Variants in RALGPS2 observed in about 807,000 individuals in gnomAD.
The protein encoded by RALGPS2 is Ral GEF with PH domain and SH3 binding motif 2.
RALGPS2 carries 43 observed loss-of-function variants against 86.8 expected under a neutral mutation model. The observed-to-expected ratio is 0.50, with a 90% CI of 0.39 to 0.64. The LOEUF (loss-of-function observed/expected upper bound fraction) is 0.64, where lower values mean the gene tolerates loss of function less well. RALGPS2 is among the 30% of genes least tolerant of loss of function. RALGPS2 has a pLI of 0.00. For missense variants in RALGPS2, 536 were observed against 694.6 expected, an observed-to-expected ratio of 0.77 and a Z score of 2.57; for synonymous variants, 243 against 231.3, an observed-to-expected ratio of 1.05 and a Z score of -0.46.
chr1:178,917,719 A>T lies in RALGPS2; in HGVS notation c.*1360A>T, dbSNP rs936732616. On this transcript the variant is annotated 3_prime_UTR_variant, in exon 20 of 20. Transcript: ENST00000367635. ...TTTCTAAAGTAAATGTTGAATTATTAAAAAAAAAGTTTGAAGGTAAGATGC... is the reference window on the plus strand; with the variant it reads ...TTTCTAAAGTAAATGTTGAATTATTTAAAAAAAAGTTTGAAGGTAAGATGC... The T allele has an allele frequency of 2.0e-5, 3 of 151,162 alleles. No individual in the cohort carries two copies. Among genetic ancestry groups the T allele is most frequent in the East Asian group, 3.9e-4 (2 of 5,186 alleles). 9.4% of individuals were successfully genotyped at this position (151,162 alleles called of 1,614,324 possible). A position where few individuals can be genotyped will look rare whatever the true frequency, so the allele number is the denominator to read the frequency against.
chr1:178,890,199 T>A (rs1027973967), intron 14 of RALGPS2, among the ~76,000 whole-genome samples: 1 of 152,086 alleles, frequency 6.6e-6, no homozygotes, highest in African/African-American at 2.4e-5. Context: ...ATACTCTAAG[T>A]TGTGCTCCCT....
At chr1:178,869,831 A>G (rs1658639603) in intron 8 of RALGPS2, among the ~76,000 whole-genome samples, 1 of 152,128 alleles carries the variant, frequency 6.6e-6, no homozygotes, top group African/African-American at 2.4e-5. Flanking sequence ...TACTATTGGT[A>G]ACGAGTAATT....
chr1:178,883,921 A>G (rs779136527), intron 11 of RALGPS2, among the ~76,000 whole-genome samples: 1 of 152,080 alleles, frequency 6.6e-6, no homozygotes, highest in Non-Finnish European at 1.5e-5. Flanking sequence ...CCCGGGAGGC[A>G]GAGCTTGCAA....
At chr1:178,863,013 A>G (rs1388674280) in intron 8 of RALGPS2, among the ~76,000 whole-genome samples, 2 of 152,216 alleles carry the variant, frequency 1.3e-5, no homozygotes, top group Admixed American at 1.3e-4. Context: ...CAATTGTTAA[A>G]TCTTATGCAG....
chr1:178,889,376 A>G (rs1659622663), intron 13 of RALGPS2, among the ~76,000 whole-genome samples: 1 of 152,116 alleles, frequency 6.6e-6, no homozygotes, highest in Non-Finnish European at 1.5e-5. Context: ...GTTTATTGAC[A>G]TAATGAATTT....
chr1:178,862,588 AT>A (rs111564790), intron 8 of RALGPS2, among the ~76,000 whole-genome samples: 1 of 131,298 alleles, frequency 7.6e-6, no homozygotes. Flanking sequence ...GAGGAGTTGC[AT>A]TTTTTTTATT....
intron 8 of RALGPS2, among the ~76,000 whole-genome samples, chr1:178,874,305 G>C (rs573623108): frequency 6.6e-6 from 1 of 152,128 alleles, no homozygotes; most frequent in Non-Finnish European, 1.5e-5. Flanking sequence ...AAAGTTAATA[G>C]ATATTTTACA....
At chr1:178,733,326 A>G (rs1386056167) in intron 1 of RALGPS2, among the ~76,000 whole-genome samples, 3 of 152,246 alleles carry the variant, frequency 2.0e-5, no homozygotes, top group Non-Finnish European at 4.4e-5. Context: ...TATATCTGTC[A>G]GAGGACTTAT....
At chr1:178,821,504 T>C (rs775325323) in intron 6 of RALGPS2, 108 bp from the exon 7 acceptor site, 4 of 775,110 alleles carry the variant, frequency 5.2e-6, no homozygotes, top group Non-Finnish European at 6.5e-6. Context: ...GAAGGTAATA[T>C]ATGCTGGAAC....
chr1:178,782,933 A>G (rs749584784), intron 2 of RALGPS2, among the ~76,000 whole-genome samples: 7 of 152,166 alleles, frequency 4.6e-5, no homozygotes, highest in Non-Finnish European at 5.9e-5. Flanking sequence ...CCAATATACC[A>G]TTTCTAGCTT....
chr1:178,732,579 G>A (rs986912909), intron 1 of RALGPS2, among the ~76,000 whole-genome samples: 3 of 152,082 alleles, frequency 2.0e-5, no homozygotes, highest in African/African-American at 7.2e-5. Context: ...GATTACAGGC[G>A]TGAGCCACCA....
At chr1:178,727,929 T>A (rs1450918686) in intron 1 of RALGPS2, among the ~76,000 whole-genome samples, 1 of 152,186 alleles carries the variant, frequency 6.6e-6, no homozygotes, top group Admixed American at 6.5e-5. Flanking sequence ...CTGATAACTT[T>A]TTGGTTAAGG....
chr1:178,804,734 A>G, intron 4 of RALGPS2, among the ~76,000 whole-genome samples: 1 of 60,468 alleles, frequency 1.7e-5, no homozygotes, highest in Admixed American at 2.1e-4. Context: ...GCCGCAATAA[A>G]CATACGTGTG....
chr1:178,750,326 T>C (rs995000867), intron 1 of RALGPS2, among the ~76,000 whole-genome samples: 2 of 152,224 alleles, frequency 1.3e-5, no homozygotes, highest in Non-Finnish European at 1.5e-5. Context: ...CTGTGTTCTG[T>C]TAAAATTTTA....
At chr1:178,813,112 T>C (rs1403116719) in intron 6 of RALGPS2, among the ~76,000 whole-genome samples, 1 of 151,972 alleles carries the variant, frequency 6.6e-6, no homozygotes, top group African/African-American at 2.4e-5. Flanking sequence ...TTTGTATTTT[T>C]AGTAGAGATG....
At chr1:178,815,591 C>T (rs961030458) in intron 6 of RALGPS2, among the ~76,000 whole-genome samples, 1 of 152,100 alleles carries the variant, frequency 6.6e-6, no homozygotes, top group African/African-American at 2.4e-5. Context: ...ATACCGTTAA[C>T]TAGGTGGCTT....
At chr1:178,747,721 A>T (rs556665939) in intron 1 of RALGPS2, 1 of 1,242,528 alleles carries the variant, frequency 8.0e-7, no homozygotes, top group South Asian at 1.2e-5. Context: ...TGAGCATCCA[A>T]CTCCTTGAAC....
intron 1 of RALGPS2, among the ~76,000 whole-genome samples, chr1:178,737,558 A>G (rs1650784721): frequency 6.6e-6 from 1 of 151,960 alleles, no homozygotes; most frequent in Non-Finnish European, 1.5e-5. Context: ...CGCCACCTTT[A>G]ATCAGATGAT....
chr1:178,773,060 C>G (rs1408877902), intron 1 of RALGPS2, among the ~76,000 whole-genome samples: 1 of 152,236 alleles, frequency 6.6e-6, no homozygotes, highest in Non-Finnish European at 1.5e-5. Flanking sequence ...TCTCAGCTTT[C>G]CAAAGTGCTA....
Sources: allele counts gnomAD v4.1 joint callset (sites outside exome capture counted in the v4.1 genomes callset), GRCh38; gene constraint gnomAD v4.1.1; transcripts MANE v1.5; gene names NCBI Gene and HGNC (gene_info 2026-07-23, HGNC 2026-07-21).